Variants in CLSTN2 observed in about 807,000 individuals in gnomAD.
The protein encoded by CLSTN2 is calsyntenin-2.
CLSTN2 carries 48 observed loss-of-function variants against 101.2 expected under a neutral mutation model. That is an observed-to-expected ratio of 0.47 (90% CI 0.38 to 0.60). CLSTN2 has a LOEUF of 0.60. Among genes scored for constraint, CLSTN2 ranks in the 20% least tolerant of loss-of-function variants. The pLI is 0.00. For synonymous variants in CLSTN2, 481 were observed against 463.6 expected, an observed-to-expected ratio of 1.04 and a Z score of -0.48; for missense variants, 1,160 against 1,238.2, an observed-to-expected ratio of 0.94 and a Z score of 0.95.
intron 2 of CLSTN2, among the ~76,000 whole-genome samples, chr3:140,188,388 T>C (rs138958901): frequency 6.6e-6 from 1 of 152,166 alleles, no homozygotes; most frequent in African/African-American, 2.4e-5. Context: ...AAGGACTGAG[T>C]GGCTTACAAC....
rs532312992 is a variant in CLSTN2 at position 140,498,960 on chromosome 3, GTT to G, written c.1344+32242_1344+32243del. ...TGTCTGGCATTGTGAGCACTTGAAT[GTT>G]TTTTTTTTTTTTCACTAAACCAAAT... On this transcript the variant is annotated intron_variant, in intron 8 of 16. Coordinates refer to ENST00000458420, the MANE Select transcript of CLSTN2 (RefSeq NM_022131.3). Among the ~76,000 whole-genome samples, 872 of 138,984 alleles carry G rather than the reference GTT, an allele frequency of 6.3e-3. 10 individuals are homozygous for G. The highest frequency in any genetic ancestry group is 0.02 in the African/African-American group (774 of 39,146). 91.2% of individuals were successfully genotyped at this position (138,984 alleles called of 152,430 possible).
chr3:140,026,932 T>C (rs775308090), intron 1 of CLSTN2, among the ~76,000 whole-genome samples: 1 of 152,274 alleles, frequency 6.6e-6, no homozygotes, highest in Non-Finnish European at 1.5e-5. Flanking sequence ...GCAGGAGCTC[T>C]GGCATGCAGC....
intron 2 of CLSTN2, among the ~76,000 whole-genome samples, chr3:140,271,333 A>G (rs1043073742): frequency 6.6e-6 from 1 of 152,172 alleles, no homozygotes; most frequent in Non-Finnish European, 1.5e-5. Context: ...CAGGCTAATT[A>G]CTTATGCTAC....
intron 1 of CLSTN2, among the ~76,000 whole-genome samples, chr3:140,173,111 G>A (rs1182449976): frequency 6.6e-6 from 1 of 152,146 alleles, no homozygotes; most frequent in Non-Finnish European, 1.5e-5. Flanking sequence ...AGTCCCCTCT[G>A]CCTATGAACT....
intron 2 of CLSTN2, among the ~76,000 whole-genome samples, chr3:140,193,836 T>C (rs1266757984): frequency 6.6e-6 from 1 of 152,144 alleles, no homozygotes; most frequent in Non-Finnish European, 1.5e-5. Context: ...GTCTGTTTTC[T>C]CTCTAATAAC....
At chr3:139,962,169 T>G (rs1200673404) in intron 1 of CLSTN2, among the ~76,000 whole-genome samples, 1 of 152,206 alleles carries the variant, frequency 6.6e-6, no homozygotes, top group Non-Finnish European at 1.5e-5. Flanking sequence ...TAAAAACATT[T>G]TAAAGTTTCT....
chr3:140,255,170 G>A (rs373517983), intron 2 of CLSTN2, among the ~76,000 whole-genome samples: 1 of 152,270 alleles, frequency 6.6e-6, no homozygotes, highest in Admixed American at 6.5e-5. Flanking sequence ...GTGAGATTGT[G>A]GAGAGAAGGG....
At chr3:140,116,143 T>C (rs2009239196) in intron 1 of CLSTN2, among the ~76,000 whole-genome samples, 1 of 152,144 alleles carries the variant, frequency 6.6e-6, no homozygotes, top group African/African-American at 2.4e-5. Context: ...ACCTTAGTCA[T>C]ACACATCCAC....
At position 140,063,429 on chromosome 3, in the gene CLSTN2, C is replaced by T. The variant is rs184222915; in HGVS notation, c.110-112522C>T. 1.3e-4 allele frequency among the ~76,000 whole-genome samples: 20 copies of T among 152,222 alleles called. No homozygotes were observed. The East Asian group carries it at 2.3e-3, about 18-fold the overall frequency. ...ATGATAAAAGGGGAGAGGAGTAAAG[C>T]TCCTGCTTTCTTCACTCCGCGTCCA... On this transcript the variant is annotated intron_variant, in intron 1 of 16. Transcript: ENST00000458420.
At chr3:140,369,643 A>G (rs1397383302) in intron 2 of CLSTN2, among the ~76,000 whole-genome samples, 2 of 152,154 alleles carry the variant, frequency 1.3e-5, no homozygotes, top group African/African-American at 2.4e-5. Context: ...AGTTGGAGCT[A>G]AATATTAGCC....
intron 2 of CLSTN2, among the ~76,000 whole-genome samples, chr3:140,401,938 G>C (rs2088246939): frequency 6.6e-6 from 1 of 152,136 alleles, no homozygotes; most frequent in Non-Finnish European, 1.5e-5. Flanking sequence ...AAGTGAATGG[G>C]AACTAGCCTT....
chr3:139,961,429 G>T (rs1197390530), intron 1 of CLSTN2, among the ~76,000 whole-genome samples: 4 of 152,206 alleles, frequency 2.6e-5, no homozygotes, highest in Non-Finnish European at 4.4e-5. Flanking sequence ...TGAAGAAAAA[G>T]ACCTCACCTC....
chr3:140,158,519 T>TA (rs1387101994), intron 1 of CLSTN2, among the ~76,000 whole-genome samples: 3 of 152,040 alleles, frequency 2.0e-5, no homozygotes, highest in African/African-American at 4.8e-5. Context: ...GAAGGAGAAC[T>TA]AAAAAACACT....
intron 1 of CLSTN2, among the ~76,000 whole-genome samples, chr3:139,996,800 C>T (rs57911360): frequency 0.071 from 10,728 of 152,082 alleles, 860 homozygotes; most frequent in East Asian, 0.33. Context: ...GTGATCCCAG[C>T]TCTTTGGGAG....
intron 2 of CLSTN2, among the ~76,000 whole-genome samples, chr3:140,287,289 G>A (rs57446026): frequency 2.6e-5 from 4 of 152,034 alleles, no homozygotes; most frequent in African/African-American, 4.8e-5. Flanking sequence ...AGTGCACATC[G>A]CATATGATTC....
chr3:140,564,716 A>T (rs1935996064), intron 16 of CLSTN2, among the ~76,000 whole-genome samples: 2 of 152,246 alleles, frequency 1.3e-5, no homozygotes, highest in African/African-American at 2.4e-5. Flanking sequence ...TTCATTTACC[A>T]AGGTGGAAAC....
At chr3:140,360,262 T>A (rs1466305205) in intron 2 of CLSTN2, among the ~76,000 whole-genome samples, 1 of 152,208 alleles carries the variant, frequency 6.6e-6, no homozygotes, top group Non-Finnish European at 1.5e-5. Context: ...TAGATGTGAT[T>A]GAGGGTGGCC....
chr3:140,313,973 A>G (rs2107918810), intron 2 of CLSTN2, among the ~76,000 whole-genome samples: 1 of 152,312 alleles, frequency 6.6e-6, no homozygotes, highest in Non-Finnish European at 1.5e-5. Context: ...CCACAAGGCC[A>G]AAGGACTAGA....
chr3:140,406,071 G>A (rs1249390841), intron 4 of CLSTN2, among the ~76,000 whole-genome samples: 1 of 152,178 alleles, frequency 6.6e-6, no homozygotes, highest in Non-Finnish European at 1.5e-5. Context: ...GGGTGAAGAT[G>A]GTGCACAAAG....
Sources: allele counts gnomAD v4.1 joint callset (sites outside exome capture counted in the v4.1 genomes callset), GRCh38; gene constraint gnomAD v4.1.1; transcripts MANE v1.5; gene names NCBI Gene and HGNC (gene_info 2026-07-23, HGNC 2026-07-21).